COLEC10: variants seen among roughly 807,000 people sequenced by gnomAD.
The protein encoded by COLEC10 is collectin subfamily member 10, also known as collectin-10.
Under a neutral mutation model 28.4 loss-of-function variants are expected in COLEC10, and 22 were observed. That is an observed-to-expected ratio of 0.78 (90% CI 0.55 to 1.11). The LOEUF is 1.11. Ranked by LOEUF, COLEC10 falls within the 50% of genes least tolerant of loss-of-function variation. COLEC10 has a pLI of 0.00. For missense variants in COLEC10, 361 were observed against 344.1 expected (o/e 1.05, Z -0.39); for synonymous variants, 125 against 116.1 (o/e 1.08, Z -0.49).
At chr8:118,986,155 A>AC in the COLEC10 span, among the ~76,000 whole-genome samples, 1 of 152,194 alleles carries the variant, frequency 6.6e-6, no homozygotes, top group African/African-American at 2.4e-5. Context: ...CAAAGCAAAT[A>AC]CAAACATACC....
At chr8:119,101,982 TA>T (rs144008489) in intron 3 of COLEC10, among the ~76,000 whole-genome samples, 4 of 151,930 alleles carry the variant, frequency 2.6e-5, no homozygotes, top group Non-Finnish European at 5.9e-5. Flanking sequence ...GCCATGTTAT[TA>T]AAAAAAATGT....
the COLEC10 span, among the ~76,000 whole-genome samples, chr8:118,971,143 C>T: frequency 8.1e-4 from 123 of 151,892 alleles, no homozygotes; most frequent in South Asian, 0.025. Context: ...AGTGGGAAAC[C>T]ATATTTTAAT....
intron 1 of COLEC10, among the ~76,000 whole-genome samples, chr8:118,998,787 C>T (rs1813636806): frequency 7.4e-6 from 1 of 134,768 alleles, no homozygotes; most frequent in African/African-American, 2.9e-5. Flanking sequence ...GCAGAGGTTG[C>T]AGTGAGCCAA....
chr8:119,085,304 G>T (rs1473282804), intron 1 of COLEC10, among the ~76,000 whole-genome samples: 1 of 152,168 alleles, frequency 6.6e-6, no homozygotes, highest in Non-Finnish European at 1.5e-5. Context: ...TCCCAATGAG[G>T]CCTGAAGATT....
chr8:119,062,572 C>T (rs987908028), upstream of COLEC10, among the ~76,000 whole-genome samples: 6 of 152,088 alleles, frequency 3.9e-5, no homozygotes, highest in Non-Finnish European at 5.9e-5. Flanking sequence ...CTCCGCCCCC[C>T]GGGTTCAAGT....
chr8:118,962,162 G>A, the COLEC10 span, among the ~76,000 whole-genome samples: 4 of 152,190 alleles, frequency 2.6e-5, no homozygotes, highest in South Asian at 8.3e-4. Flanking sequence ...GGGGCAGCAC[G>A]TTGAAGTCCA....
intron 1 of COLEC10, among the ~76,000 whole-genome samples, chr8:119,007,728 G>A (rs1475420742): frequency 6.6e-6 from 1 of 150,894 alleles, no homozygotes; most frequent in Non-Finnish European, 1.5e-5. Context: ...CATACCAGTA[G>A]TTTATTACAT....
the COLEC10 span, among the ~76,000 whole-genome samples, chr8:118,984,007 T>C: frequency 1.3e-5 from 2 of 148,370 alleles, no homozygotes; most frequent in African/African-American, 2.6e-5. Flanking sequence ...GGAATATAAA[T>C]TGTTCTACTA....
chr8:119,105,853 GAGA>G lies in COLEC10; in HGVS notation c.501_503del (p.Lys167del), dbSNP rs763192941. On this transcript the variant is annotated inframe_deletion, in exon 6 of 6. Coordinates refer to ENST00000332843, the MANE Select transcript of COLEC10 (RefSeq NM_006438.5). ...GAAATTCTACTACATCGTGCAGGAA[GAGA>G]AGAACTACAGGGAATCCCTAACCCA... 14 of 1,613,592 alleles carry G rather than the reference GAGA, an allele frequency of 8.7e-6. No homozygotes were observed. The highest frequency in any genetic ancestry group is 1.1e-5 in the Non-Finnish European group (13 of 1,179,808).
intron 1 of COLEC10, among the ~76,000 whole-genome samples, chr8:118,999,053 A>G (rs1045577542): frequency 1.6e-4 from 24 of 152,112 alleles, no homozygotes; most frequent in African/African-American, 5.6e-4. Context: ...AATGTTACCA[A>G]TAGAGACAAA....
At chr8:119,058,933 T>TTTA (rs1192497505) in intron 2 of COLEC10, among the ~76,000 whole-genome samples, 2 of 151,880 alleles carry the variant, frequency 1.3e-5, no homozygotes, top group African/African-American at 2.4e-5. Flanking sequence ...TATTGTCACA[T>TTTA]TTATTATTAT....
At chr8:118,959,454 A>G in the COLEC10 span, among the ~76,000 whole-genome samples, 1 of 152,206 alleles carries the variant, frequency 6.6e-6, no homozygotes, top group African/African-American at 2.4e-5. Flanking sequence ...GAACCGAATA[A>G]TAGTATCCAC....
At chr8:118,952,378 T>A in the COLEC10 span, among the ~76,000 whole-genome samples, 1 of 152,206 alleles carries the variant, frequency 6.6e-6, no homozygotes, top group Non-Finnish European at 1.5e-5. Flanking sequence ...GGGCGAAAGC[T>A]GTGAGTTTCC....
chr8:118,973,534 C>G, the COLEC10 span, among the ~76,000 whole-genome samples: 1 of 151,914 alleles, frequency 6.6e-6, no homozygotes, highest in Non-Finnish European at 1.5e-5. Context: ...CTTGCTTCAT[C>G]GAAGTACACA....
the COLEC10 span, among the ~76,000 whole-genome samples, chr8:118,983,582 T>C: frequency 6.6e-6 from 1 of 152,084 alleles, no homozygotes; most frequent in Non-Finnish European, 1.5e-5. Context: ...TATTTGGAAA[T>C]AGGGCTCTTA....
At chr8:119,075,001 G>A (rs559080251) in intron 1 of COLEC10, among the ~76,000 whole-genome samples, 1 of 152,244 alleles carries the variant, frequency 6.6e-6, no homozygotes, top group East Asian at 1.9e-4. Context: ...TAGTCTCAGG[G>A]GCTCTGTAAA....
At chr8:118,993,708 A>C (rs1813543362), upstream of COLEC10, among the ~76,000 whole-genome samples, 1 of 152,188 alleles carries the variant, frequency 6.6e-6, no homozygotes, top group Non-Finnish European at 1.5e-5. Flanking sequence ...CTATAAAGAC[A>C]CTGGTCATAT....
chr8:119,069,625 AAAAAATATATATATATAT>A (rs1310270277), intron 1 of COLEC10, among the ~76,000 whole-genome samples: 65 of 50,286 alleles, frequency 1.3e-3, no homozygotes, highest in African/African-American at 2.9e-3. Flanking sequence ...AAAAAAAAAA[AAAAAATATATATATATAT>A]ATATATATAT....
chr8:119,091,942 G>A (rs1218033838), intron 3 of COLEC10, among the ~76,000 whole-genome samples: 1 of 151,968 alleles, frequency 6.6e-6, no homozygotes, highest in Non-Finnish European at 1.5e-5. Context: ...AATAGGCAGA[G>A]GACAGTAAAA....
Sources: allele counts gnomAD v4.1 joint callset (sites outside exome capture counted in the v4.1 genomes callset), GRCh38; gene constraint gnomAD v4.1.1; transcripts MANE v1.5; gene names NCBI Gene and HGNC (gene_info 2026-07-23, HGNC 2026-07-21).